LSAMP: variants seen among roughly 807,000 people sequenced by gnomAD.
The protein encoded by LSAMP is limbic system associated membrane protein, also known as limbic system-associated membrane protein.
In LSAMP, 7 loss-of-function variants were observed where a neutral mutation model predicts 38.6. The ratio of observed to expected loss-of-function variants is 0.18; its 90% CI spans 0.10 to 0.34. The LOEUF (loss-of-function observed/expected upper bound fraction) is 0.34, where lower values mean the gene tolerates loss of function less well. Ranked by LOEUF, LSAMP falls within the 10% of genes least tolerant of loss-of-function variation. LSAMP has a pLI of 1.00. For missense variants in LSAMP, 313 were observed against 420.0 expected (o/e 0.75, Z 2.23); for synonymous variants, 154 against 166.8 (o/e 0.92, Z 0.59).
chr3:115,973,954 C>T (rs1244165690), intron 3 of LSAMP, among the ~76,000 whole-genome samples: 1 of 152,046 alleles, frequency 6.6e-6, no homozygotes, highest in Non-Finnish European at 1.5e-5. Flanking sequence ...CAACCTATAC[C>T]ACTTGTAAAA....
chr3:115,815,434 T>C (rs756017908), intron 6 of LSAMP, among the ~76,000 whole-genome samples: 2 of 152,278 alleles, frequency 1.3e-5, no homozygotes, highest in African/African-American at 2.4e-5. Flanking sequence ...ATGTGAGCTC[T>C]TCCTACATTT....
chr3:115,878,068 A>T (rs1054075783), intron 3 of LSAMP, among the ~76,000 whole-genome samples: 1 of 152,152 alleles, frequency 6.6e-6, no homozygotes, highest in Non-Finnish European at 1.5e-5. Flanking sequence ...ATTGTTCTGC[A>T]GTATATGTGA....
chr3:116,258,072 T>C (rs1381070), intron 1 of LSAMP, among the ~76,000 whole-genome samples: 115,323 of 151,848 alleles, frequency 0.76, 44,571 homozygotes, highest in Non-Finnish European at 0.84. Context: ...TTGTCACCCT[T>C]TTTACTTTTG....
chr3:116,339,190 G>C (rs1426381420), intron 1 of LSAMP, among the ~76,000 whole-genome samples: 1 of 151,938 alleles, frequency 6.6e-6, no homozygotes, highest in Non-Finnish European at 1.5e-5. Flanking sequence ...AGAGAGTGGT[G>C]TAAGTAAAAC....
intron 3 of LSAMP, among the ~76,000 whole-genome samples, chr3:115,854,958 A>T (rs911097577): frequency 1.3e-5 from 2 of 152,234 alleles, no homozygotes; most frequent in African/African-American, 4.8e-5. Flanking sequence ...AGTTAATAAT[A>T]ATTTCAGAAT....
In LSAMP at chr3:116,210,351, C is replaced by T. The variant is rs147794115; in HGVS notation, c.156-123795G>A. Among the ~76,000 whole-genome samples, 461 of 152,284 alleles carry T rather than the reference C, an allele frequency of 3.0e-3. 3 individuals carry two copies. The highest frequency in any genetic ancestry group is 0.011 in the African/African-American group (441 of 41,566). On this transcript the variant is annotated intron_variant, in intron 1 of 6. Transcript: ENST00000490035. ...GAGTGGGCACCATCTAATCAACTGC[C>T]AGTGCGGCTTGAATAAAGCAGTCAG...
chr3:116,314,255 C>G (rs990452447), intron 1 of LSAMP, among the ~76,000 whole-genome samples: 7 of 152,174 alleles, frequency 4.6e-5, no homozygotes, highest in African/African-American at 1.7e-4. Context: ...CTTACCCTCT[C>G]TATACATCAG....
chr3:116,069,710 G>T (rs544023196), intron 2 of LSAMP, among the ~76,000 whole-genome samples: 2 of 152,292 alleles, frequency 1.3e-5, no homozygotes, highest in Admixed American at 1.3e-4. Flanking sequence ...GATCAATTGT[G>T]CCATTATCAG....
intron 1 of LSAMP, among the ~76,000 whole-genome samples, chr3:116,432,345 TA>T (rs2049292507): frequency 6.6e-6 from 1 of 151,564 alleles, no homozygotes; most frequent in Admixed American, 6.6e-5. Context: ...TATACAAAAA[TA>T]AAAATAAAGT....
At chr3:115,947,590 G>A (rs1016187258) in intron 3 of LSAMP, among the ~76,000 whole-genome samples, 1 of 152,162 alleles carries the variant, frequency 6.6e-6, no homozygotes, top group African/African-American at 2.4e-5. Flanking sequence ...ATGGGTTGTA[G>A]TAACACCAGC....
At chr3:115,983,517 T>C (rs1939423442) in intron 3 of LSAMP, among the ~76,000 whole-genome samples, 3 of 152,042 alleles carry the variant, frequency 2.0e-5, no homozygotes, top group African/African-American at 7.3e-5. Flanking sequence ...TGAGAGCCTG[T>C]CTCAGAATAA....
intron 1 of LSAMP, among the ~76,000 whole-genome samples, chr3:116,100,209 G>A (rs1341922755): frequency 6.6e-6 from 1 of 151,938 alleles, no homozygotes; most frequent in Non-Finnish European, 1.5e-5. Context: ...AGTCTCCTGA[G>A]TAGCTGGGAA....
At chr3:116,184,006 A>G (rs1710550876) in intron 1 of LSAMP, among the ~76,000 whole-genome samples, 1 of 151,758 alleles carries the variant, frequency 6.6e-6, no homozygotes, top group African/African-American at 2.4e-5. Context: ...AACAGGAGGA[A>G]AAAACATCAT....
chr3:116,018,382 T>C (rs1940544970), intron 3 of LSAMP, among the ~76,000 whole-genome samples: 1 of 152,184 alleles, frequency 6.6e-6, no homozygotes, highest in Admixed American at 6.6e-5. Context: ...ACTATCCTGG[T>C]CTTTTAGAAA....
intron 3 of LSAMP, among the ~76,000 whole-genome samples, chr3:115,949,925 G>C (rs1005981950): frequency 5.3e-5 from 8 of 152,104 alleles, no homozygotes; most frequent in African/African-American, 1.9e-4. Context: ...ATGCAGGGAT[G>C]GATTAACATA....
intron 2 of LSAMP, among the ~76,000 whole-genome samples, chr3:116,081,000 GAAGA>G (rs1707859138): frequency 6.6e-6 from 1 of 152,166 alleles, no homozygotes; most frequent in Admixed American, 6.5e-5. Context: ...AAGGAAGAAA[GAAGA>G]AAGTAACAGA....
At chr3:115,977,766 GTCTC>G (rs1249810765) in intron 3 of LSAMP, among the ~76,000 whole-genome samples, 1 of 149,372 alleles carries the variant, frequency 6.7e-6, no homozygotes, top group South Asian at 2.1e-4. Flanking sequence ...CTTTTCCTCT[GTCTC>G]TCTTTTTCTT....
chr3:116,003,555 C>G (rs934665404), intron 3 of LSAMP, among the ~76,000 whole-genome samples: 1 of 152,052 alleles, frequency 6.6e-6, no homozygotes. Flanking sequence ...CAAGTCCTTA[C>G]CCCCAGTACC....
chr3:115,988,170 A>G (rs1265987119), intron 3 of LSAMP, among the ~76,000 whole-genome samples: 1 of 152,122 alleles, frequency 6.6e-6, no homozygotes, highest in Non-Finnish European at 1.5e-5. Context: ...TTTATTTCTT[A>G]ATGTTTGAGA....
Sources: allele counts gnomAD v4.1 joint callset (sites outside exome capture counted in the v4.1 genomes callset), GRCh38; gene constraint gnomAD v4.1.1; transcripts MANE v1.5; gene names NCBI Gene and HGNC (gene_info 2026-07-23, HGNC 2026-07-21).